Variants in TMEM74 observed in about 807,000 individuals in gnomAD.
TMEM74 encodes transmembrane protein 74.
Under a neutral mutation model 18.1 loss-of-function variants are expected in TMEM74, and 13 were observed. That is an observed-to-expected ratio of 0.72 (90% CI 0.47 to 1.14). The LOEUF is 1.14. TMEM74 is among the 50% of genes most tolerant of loss of function. The probability of loss-of-function intolerance (pLI) is 0.00; values close to 1 mark genes in which losing one functional copy is unlikely to be tolerated. For missense variants in TMEM74, 372 were observed against 375.9 expected, an observed-to-expected ratio of 0.99 and a Z score of 0.09; for synonymous variants, 159 against 146.6, an observed-to-expected ratio of 1.08 and a Z score of -0.61.
chr8:108,680,796 C>A (rs1813106011), intron 1 of TMEM74, among the ~76,000 whole-genome samples: 1 of 152,182 alleles, frequency 6.6e-6, no homozygotes, highest in Non-Finnish European at 1.5e-5. Context: ...TCTCCTTAAG[C>A]TGATAAGCAA....
intron 1 of TMEM74, among the ~76,000 whole-genome samples, chr8:108,731,878 G>T (rs1813698617): frequency 6.9e-6 from 1 of 144,022 alleles, no homozygotes; most frequent in South Asian, 2.2e-4. Context: ...CTCTTCCTGA[G>T]AATCTACACC....
At chr8:108,702,557 ATGTAAAACACAAAAC>A (rs775960069) in intron 1 of TMEM74, among the ~76,000 whole-genome samples, 4 of 152,142 alleles carry the variant, frequency 2.6e-5, no homozygotes, top group Non-Finnish European at 5.9e-5. Flanking sequence ...ATAGACCTAT[ATGTAAAACACAAAAC>A]TGTAAAACAC....
rs532514359 is a variant in TMEM74 at position 108,713,751 on chromosome 8, A to G, written n.120-58314T>C. 3.9e-5 allele frequency among the ~76,000 whole-genome samples: 6 copies of G among 152,332 alleles called. No homozygotes were observed. The South Asian group carries it at 8.3e-4, about 21-fold the overall frequency. On this transcript the variant is annotated intron_variant and non_coding_transcript_variant, in intron 1 of 3. Transcript: ENST00000518838. Reference sequence around the variant, plus strand: ...AGGAGATTTGTTAGGATTGGCTCACACAATTATGGAGGCTGAGAAGTTGCA... The same window carrying G: ...AGGAGATTTGTTAGGATTGGCTCACGCAATTATGGAGGCTGAGAAGTTGCA...
intron 1 of TMEM74, among the ~76,000 whole-genome samples, chr8:108,716,630 T>C (rs1813525675): frequency 6.6e-6 from 1 of 151,992 alleles, no homozygotes; most frequent in African/African-American, 2.4e-5. Context: ...TAAATGAGTA[T>C]TTAACTCAAG....
chr8:108,662,101 G>T (rs190354549), intron 1 of TMEM74, among the ~76,000 whole-genome samples: 1 of 152,096 alleles, frequency 6.6e-6, no homozygotes, highest in Non-Finnish European at 1.5e-5. Context: ...AAAAAAGATG[G>T]ATAGACCCAT....
chr8:108,678,766 CTTTAAG>C (rs1813082067), intron 1 of TMEM74, among the ~76,000 whole-genome samples: 1 of 149,038 alleles, frequency 6.7e-6, no homozygotes, highest in South Asian at 2.1e-4. Context: ...TATTATTATA[CTTTAAG>C]TTTTAGGGTA....
chr8:108,636,580 G>A lies in TMEM74; in HGVS notation n.264+18713C>T, dbSNP rs968638995. 4.6e-5 allele frequency among the ~76,000 whole-genome samples: 7 copies of A among 152,028 alleles called. No individual in the cohort carries two copies. In the South Asian group the frequency reaches 1.5e-3, roughly 32 times the overall value. The stretch of plus-strand genomic sequence containing the variant: ...AAGACCCCAAAGATCTAAAAACTAA[G>A]GCTGTAGCATTTTGGAAGATCAGGC... On this transcript the variant is annotated intron_variant and non_coding_transcript_variant, in intron 2 of 3. Transcript: ENST00000518838.
At chr8:108,760,452 G>A (rs1221222898) in intron 1 of TMEM74, among the ~76,000 whole-genome samples, 2 of 152,068 alleles carry the variant, frequency 1.3e-5, no homozygotes, top group South Asian at 2.1e-4. Context: ...AGAGCTTGAC[G>A]ATTATTAGCA....
intron 2 of TMEM74, among the ~76,000 whole-genome samples, chr8:108,648,995 T>A (rs1443453567): frequency 2.6e-5 from 4 of 152,302 alleles, no homozygotes; most frequent in East Asian, 1.9e-4. Context: ...AAAATAGTCA[T>A]TTTCTAACTC....
chr8:108,778,621 CTT>C (rs1364336405), downstream of TMEM74, among the ~76,000 whole-genome samples: 6 of 152,090 alleles, frequency 3.9e-5, no homozygotes, highest in African/African-American at 1.4e-4. Flanking sequence ...CCAAATGTCT[CTT>C]TAGAGTTTTT....
At chr8:108,631,454 T>C (rs1812551691) in intron 2 of TMEM74, among the ~76,000 whole-genome samples, 1 of 152,070 alleles carries the variant, frequency 6.6e-6, no homozygotes, top group Admixed American at 6.6e-5. Flanking sequence ...CTCTCCCATT[T>C]GCTTTCCACT....
At chr8:108,765,159 C>A (rs1814090102) in intron 1 of TMEM74, among the ~76,000 whole-genome samples, 1 of 152,114 alleles carries the variant, frequency 6.6e-6, no homozygotes, top group African/African-American at 2.4e-5. Context: ...TGTTTCTACA[C>A]TAAAGACCTT....
chr8:108,722,917 G>T (rs1813599771), intron 1 of TMEM74, among the ~76,000 whole-genome samples: 1 of 152,178 alleles, frequency 6.6e-6, no homozygotes, highest in Non-Finnish European at 1.5e-5. Context: ...GCTAGCTGTG[G>T]AAGATCAGGT....
chr8:108,771,926 C>T (rs747826829), intron 1 of TMEM74, among the ~76,000 whole-genome samples: 5 of 151,896 alleles, frequency 3.3e-5, no homozygotes, highest in Non-Finnish European at 7.4e-5. Flanking sequence ...CGAAAAGTAA[C>T]GTATGAGGTA....
intron 1 of TMEM74, among the ~76,000 whole-genome samples, chr8:108,748,778 A>G (rs1044638510): frequency 2.7e-5 from 4 of 150,858 alleles, no homozygotes; most frequent in African/African-American, 9.8e-5. Flanking sequence ...TGTATATGGT[A>G]TAAGAAAGGG....
chr8:108,786,540 AGTTT>A (rs1243599846), intron 1 of TMEM74, among the ~76,000 whole-genome samples: 2 of 152,198 alleles, frequency 1.3e-5, no homozygotes, highest in East Asian at 1.9e-4. Flanking sequence ...TACACCTAAG[AGTTT>A]GTTTAAAACA....
chr8:108,614,970 A>AT (rs1296454936), intron 2 of TMEM74, among the ~76,000 whole-genome samples: 2 of 152,222 alleles, frequency 1.3e-5, no homozygotes, highest in Non-Finnish European at 2.9e-5. Flanking sequence ...CACCATACTA[A>AT]TAAAAACTGC....
At chr8:108,636,137 T>C (rs948937294) in intron 2 of TMEM74, among the ~76,000 whole-genome samples, 1 of 152,058 alleles carries the variant, frequency 6.6e-6, no homozygotes, top group African/African-American at 2.4e-5. Flanking sequence ...AAGGCTTTAG[T>C]ACCTATTTGA....
chr8:108,617,282 A>G (rs1157983937), intron 2 of TMEM74, among the ~76,000 whole-genome samples: 1 of 152,020 alleles, frequency 6.6e-6, no homozygotes, highest in Admixed American at 6.6e-5. Flanking sequence ...AGCTTAATTA[A>G]TTTGGAGCAT....
Sources: gnomAD v4.1 joint callset for allele counts (sites outside exome capture counted in the v4.1 genomes callset) on GRCh38, gnomAD v4.1.1 for gene constraint, MANE v1.5 for transcripts, NCBI Gene and HGNC (gene_info 2026-07-23, HGNC 2026-07-21) for gene names.